The following MARCHF1 variants were observed in gnomAD, a reference collection of about 807,000 sequenced individuals.
MARCHF1 encodes membrane associated ring-CH-type finger 1.
A neutral mutation model predicts 54.2 loss-of-function variants in MARCHF1; 40 were observed. The ratio of observed to expected loss-of-function variants is 0.74; its 90% CI spans 0.57 to 0.96. The LOEUF is 0.96. MARCHF1 is among the 40% of genes least tolerant of loss of function. MARCHF1 has a pLI of 0.00. For synonymous variants in MARCHF1, 236 were observed against 236.3 expected (o/e 1.00, Z 0.01); for missense variants, 586 against 656.5 (o/e 0.89, Z 1.17).
chr4:164,141,037 A>C (rs1462588139), intron 1 of MARCHF1, among the ~76,000 whole-genome samples: 2 of 152,182 alleles, frequency 1.3e-5, no homozygotes, highest in Non-Finnish European at 2.9e-5. Context: ...ATAACCTGAT[A>C]GTATATTCTC....
intron 4 of MARCHF1, among the ~76,000 whole-genome samples, chr4:163,701,114 G>C (rs914946670): frequency 6.6e-6 from 1 of 152,100 alleles, no homozygotes; most frequent in Non-Finnish European, 1.5e-5. Context: ...ACAAGTATTT[G>C]TTTCCAGGAA....
intron 4 of MARCHF1, among the ~76,000 whole-genome samples, chr4:163,703,368 G>A (rs1744862942): frequency 1.3e-5 from 2 of 152,202 alleles, no homozygotes; most frequent in East Asian, 1.9e-4. Context: ...TGCTTTTGAA[G>A]CAAAGCACCA....
intron 1 of MARCHF1, among the ~76,000 whole-genome samples, chr4:164,239,806 ATTTC>A (rs33969059): frequency 0.02 from 3,054 of 152,174 alleles, 105 homozygotes; most frequent in African/African-American, 0.069. Flanking sequence ...TCTTCTTTTC[ATTTC>A]TTTGACTTCC....
chr4:163,989,246 C>A (rs956837553), intron 2 of MARCHF1, among the ~76,000 whole-genome samples: 2 of 151,178 alleles, frequency 1.3e-5, no homozygotes, highest in African/African-American at 4.9e-5. Context: ...AAAGGATCTG[C>A]CCTGAAGTGA....
At chr4:164,188,524 C>A (rs1731037294) in intron 1 of MARCHF1, 3 of 709,556 alleles carry the variant, frequency 4.2e-6, no homozygotes, top group African/African-American at 3.4e-5. Flanking sequence ...AGACCGGCTG[C>A]GTGGAGATCA....
intron 1 of MARCHF1, among the ~76,000 whole-genome samples, chr4:164,374,169 A>C (rs947617996): frequency 1.3e-5 from 2 of 152,196 alleles, no homozygotes; most frequent in Non-Finnish European, 2.9e-5. Context: ...TCCTCTACAT[A>C]TAATTTATTA....
chr4:163,935,010 A>T lies in MARCHF1; in HGVS notation c.-39+53491T>A, dbSNP rs1192458908. 5.9e-5 allele frequency among the ~76,000 whole-genome samples: 9 copies of T among 152,292 alleles called. No individual in the cohort carries two copies. The East Asian group carries it at 1.7e-3, about 29-fold the overall frequency. Reference sequence around the variant, plus strand: ...CAGCCTTAAAAACTATGTTTCTTAAATAATACCTGAAAGTTGAAATTACCT... The same window carrying T: ...CAGCCTTAAAAACTATGTTTCTTAATTAATACCTGAAAGTTGAAATTACCT... On this transcript the variant is annotated intron_variant, in intron 3 of 9. Transcript: ENST00000514618.
At chr4:164,144,370 T>A (rs1265235180) in intron 1 of MARCHF1, among the ~76,000 whole-genome samples, 2 of 151,236 alleles carry the variant, frequency 1.3e-5, no homozygotes, top group Non-Finnish European at 2.9e-5. Context: ...GAATATATAT[T>A]TTTTTCAGCA....
rs1732914603 is a variant in MARCHF1, at chr4:164,245,387, C to A, written c.-322-133725G>T. ...CAATAGATGCAGAAAAGGCCTCTGA[C>A]AAAATTCAACGATGCTTCATGCTAA... is the stretch of plus-strand genomic sequence containing the variant. On this transcript the variant is annotated intron_variant, in intron 1 of 9. Coordinates refer to ENST00000514618, the MANE Select transcript of MARCHF1 (RefSeq NM_001394959.1). Among the ~76,000 whole-genome samples, 7 of 152,170 alleles carry A rather than the reference C, an allele frequency of 4.6e-5. No homozygotes were observed. The South Asian group carries it at 1.5e-3, about 32-fold the overall frequency.
chr4:164,346,083 G>C (rs1174962945), intron 1 of MARCHF1, among the ~76,000 whole-genome samples: 2 of 152,162 alleles, frequency 1.3e-5, no homozygotes, highest in African/African-American at 4.8e-5. Flanking sequence ...CTCTGGTTAA[G>C]AGCTGACATG....
chr4:163,714,879 G>T (rs553971214), intron 4 of MARCHF1, among the ~76,000 whole-genome samples: 1 of 152,120 alleles, frequency 6.6e-6, no homozygotes, highest in Admixed American at 6.5e-5. Flanking sequence ...GCAAGGTTTT[G>T]CTGTGTTGCC....
At chr4:163,922,990 G>A (rs1002795915) in intron 3 of MARCHF1, among the ~76,000 whole-genome samples, 2 of 152,126 alleles carry the variant, frequency 1.3e-5, no homozygotes, top group South Asian at 4.1e-4. Flanking sequence ...AGAAAAAATT[G>A]TCAAAGAATT....
At chr4:163,529,699 A>ATATT (rs1738279440) in intron 9 of MARCHF1, 1 of 152,092 alleles carries the variant, frequency 6.6e-6, no homozygotes, top group African/African-American at 2.4e-5. Flanking sequence ...ATAGATGTCT[A>ATATT]TATTTTCTCT....
chr4:163,637,066 C>A (rs1423638434), intron 5 of MARCHF1, among the ~76,000 whole-genome samples: 12 of 151,010 alleles, frequency 7.9e-5, no homozygotes, highest in Non-Finnish European at 1.5e-4. Context: ...AAACTGGATC[C>A]CTTCCTTACA....
chr4:164,010,225 C>T (rs1032596497), intron 2 of MARCHF1, among the ~76,000 whole-genome samples: 2 of 151,292 alleles, frequency 1.3e-5, no homozygotes, highest in East Asian at 3.9e-4. Flanking sequence ...TGCCACCACG[C>T]TCAGCGTTTT....
intron 3 of MARCHF1, among the ~76,000 whole-genome samples, chr4:163,886,132 GATAGATCTATAAATATGTAGATCTATAA>G (rs1216808983): frequency 6.7e-6 from 1 of 148,960 alleles, no homozygotes; most frequent in African/African-American, 2.5e-5. Context: ...TATCTAGAGA[GATAGATCTATAAATATGTAGATCTATAA>G]ATAGATCTAT....
At chr4:164,374,492 C>T (rs556837817) in intron 1 of MARCHF1, among the ~76,000 whole-genome samples, 2 of 152,110 alleles carry the variant, frequency 1.3e-5, no homozygotes, top group Non-Finnish European at 2.9e-5. Flanking sequence ...AAATTAAAGC[C>T]TTCTGCCTCA....
At chr4:163,692,841 C>G (rs1181038424) in intron 5 of MARCHF1, among the ~76,000 whole-genome samples, 1 of 151,252 alleles carries the variant, frequency 6.6e-6, no homozygotes, top group Non-Finnish European at 1.5e-5. Flanking sequence ...CAAGTAGAAG[C>G]ACTAACTGAA....
At chr4:163,636,435 T>G (rs1265467167) in intron 5 of MARCHF1, among the ~76,000 whole-genome samples, 1 of 145,886 alleles carries the variant, frequency 6.9e-6, no homozygotes, top group African/African-American at 2.5e-5. Flanking sequence ...ATCACAAGCA[T>G]TCCTATACAC....
Sources: gnomAD v4.1 joint callset for allele counts (sites outside exome capture counted in the v4.1 genomes callset) on GRCh38, gnomAD v4.1.1 for gene constraint, MANE v1.5 for transcripts, NCBI Gene and HGNC (gene_info 2026-07-23, HGNC 2026-07-21) for gene names.